The following PRDM16 variants were observed in gnomAD, a reference collection of about 807,000 sequenced individuals.
The protein encoded by PRDM16 is histone-lysine N-methyltransferase PRDM16.
Under a neutral mutation model 110.6 loss-of-function variants are expected in PRDM16, and 23 were observed. The observed-to-expected ratio is 0.21, with a 90% CI of 0.15 to 0.29. The LOEUF is 0.29. Ranked by LOEUF, PRDM16 falls within the 10% of genes least tolerant of loss-of-function variation. The pLI, the probability that PRDM16 is intolerant of heterozygous loss-of-function variation, is 1.00. For synonymous variants in PRDM16, 799 were observed against 781.8 expected (o/e 1.02, Z -0.37); for missense variants, 1,615 against 1,794.3 (o/e 0.90, Z 1.81).
intron 3 of PRDM16, among the ~76,000 whole-genome samples, chr1:3,287,717 C>G (rs1384860862): frequency 1.5e-5 from 2 of 136,556 alleles, no homozygotes; most frequent in East Asian, 2.1e-4. Flanking sequence ...CGCGGACATC[C>G]AGGATTGCAT....
chr1:3,385,459 C>T (rs1643179734), intron 4 of PRDM16, among the ~76,000 whole-genome samples, 173 bp downstream of exon 4: 1 of 152,122 alleles, frequency 6.6e-6, no homozygotes, highest in Admixed American at 6.5e-5. Context: ...CACTGGCTTC[C>T]GGGGAGCTGA....
At chr1:3,383,097 A>G (rs1415438307) in intron 3 of PRDM16, among the ~76,000 whole-genome samples, 2 of 152,200 alleles carry the variant, frequency 1.3e-5, no homozygotes, top group Non-Finnish European at 2.9e-5. Flanking sequence ...CTGGGCAGAG[A>G]AGGGACCTGG....
At chr1:3,085,861 C>T (rs937400626) in intron 1 of PRDM16, among the ~76,000 whole-genome samples, 1 of 152,236 alleles carries the variant, frequency 6.6e-6, no homozygotes, top group Non-Finnish European at 1.5e-5. Context: ...TGTGGGAGCC[C>T]CACCCAGGCC....
chr1:3,087,910 A>C (rs1642187187), intron 1 of PRDM16, among the ~76,000 whole-genome samples: 1 of 151,778 alleles, frequency 6.6e-6, no homozygotes. Flanking sequence ...TTTGTGGTTG[A>C]GCAAAGATTA....
At chr1:3,166,846 C>A (rs988085901) in intron 1 of PRDM16, among the ~76,000 whole-genome samples, 2 of 152,222 alleles carry the variant, frequency 1.3e-5, no homozygotes, top group Admixed American at 6.5e-5. Context: ...CTGTGTCTGG[C>A]GCTGGCCGTG....
Position 3,389,951 on chromosome 1 carries a change from C to A in PRDM16, c.573+4665C>A, listed in dbSNP as rs898932409. Reference sequence around the variant, plus strand: ...TCCATGCACTTTTCTGGGGGTGCGCCCCCCCCCCCCCCCCACCCTCTGGCT... The same window carrying A: ...TCCATGCACTTTTCTGGGGGTGCGCACCCCCCCCCCCCCCACCCTCTGGCT... On this transcript the variant is annotated intron_variant, in intron 4 of 16. Coordinates refer to ENST00000270722, the MANE Select transcript of PRDM16 (RefSeq NM_022114.4). 5.6e-4 allele frequency among the ~76,000 whole-genome samples: 14 copies of A among 25,064 alleles called. No individual in the cohort carries two copies. In the Admixed American group the frequency reaches 6.1e-3, roughly 11 times the overall value. 16.4% of individuals were successfully genotyped at this position (25,064 alleles called of 152,430 possible).
rs1643284601 is a variant in PRDM16, at chr1:3,390,733, A to G, written c.573+5447A>G. Among the ~76,000 whole-genome samples, 1 of 151,832 alleles carries G rather than the reference A, an allele frequency of 6.6e-6. No homozygotes were observed. Among genetic ancestry groups the G allele is most frequent in the Admixed American group, 6.5e-5 (1 of 15,268 alleles). ...TTTCTGTCTGGGCGTGTGCCCTGTCAGGGTTGCGGTTTTAAACAGAGGGCA... is the reference window on the plus strand; with the variant it reads ...TTTCTGTCTGGGCGTGTGCCCTGTCGGGGTTGCGGTTTTAAACAGAGGGCA... On this transcript the variant is annotated intron_variant, in intron 4 of 16. Coordinates refer to ENST00000270722, the MANE Select transcript of PRDM16 (RefSeq NM_022114.4). This position sits in a 1 kb window ranked among gnomAD's most constrained non-coding sequence, Gnocchi z 5.0.
At chr1:3,233,705 A>G (rs1286897478) in intron 2 of PRDM16, among the ~76,000 whole-genome samples, 4 of 152,144 alleles carry the variant, frequency 2.6e-5, no homozygotes, top group Non-Finnish European at 5.9e-5. Flanking sequence ...CCCATCACAA[A>G]ATAAACTAAT....
At chr1:3,114,386 A>C (rs1479184636) in intron 1 of PRDM16, among the ~76,000 whole-genome samples, 4 of 137,776 alleles carry the variant, frequency 2.9e-5, no homozygotes, top group Non-Finnish European at 6.2e-5. Context: ...GTGTAAACAG[A>C]CGCGCACGCA....
chr1:3,229,633 A>G (rs1352476807), intron 2 of PRDM16, among the ~76,000 whole-genome samples: 1 of 152,230 alleles, frequency 6.6e-6, no homozygotes, highest in Non-Finnish European at 1.5e-5. Flanking sequence ...AGCCACTTGC[A>G]GCCCATGAGC....
intron 3 of PRDM16, among the ~76,000 whole-genome samples, chr1:3,344,887 TG>T (rs1642333240): frequency 6.6e-6 from 1 of 152,270 alleles, no homozygotes; most frequent in Non-Finnish European, 1.5e-5. Context: ...AGCCCTGCTG[TG>T]GTAAGCAGCA....
intron 2 of PRDM16, among the ~76,000 whole-genome samples, chr1:3,195,145 G>A (rs142555132): frequency 1.4e-3 from 218 of 152,302 alleles, no homozygotes; most frequent in African/African-American, 4.7e-3. Context: ...GGGATGGTGC[G>A]GAGCCTGAGG....
intron 2 of PRDM16, among the ~76,000 whole-genome samples, chr1:3,186,979 C>T (rs944517935): frequency 6.6e-6 from 1 of 152,230 alleles, no homozygotes; most frequent in African/African-American, 2.4e-5. Context: ...ACTCCAGGGG[C>T]ACAGGCCCCG....
intron 3 of PRDM16, among the ~76,000 whole-genome samples, chr1:3,321,595 G>T (rs1204225165): frequency 6.7e-6 from 1 of 148,710 alleles, no homozygotes; most frequent in African/African-American, 2.5e-5. Context: ...TCACGTTTCT[G>T]GGGGGTTGCA....
rs1231046017 is a variant in PRDM16 at position 3,186,336 on chromosome 1, C to G, written c.249C>G (p.Asp83Glu). 1 of 1,612,288 alleles carries G rather than the reference C, an allele frequency of 6.2e-7. No homozygotes were observed. The highest frequency in any genetic ancestry group is 1.1e-5 in the South Asian group (1 of 90,966). ...CTGAAGACATTCCGATCCCAGCAGA[C>G]TTCGAGCTCCGAGAGTCCTCCATCC... The part of the protein sequence containing the change: ...YIPEDIPIPA[D>E]FELRESSIPG... The change falls in exon 2 of 17, where the codon GAC becomes GAG. Residue 83 changes from aspartate (D) to glutamate (E), a missense_variant. Asp to Glu is a conservative substitution (Grantham distance 45). This residue lies in a region of PRDM16 where 416 missense variants were observed against 467.1 expected (regional missense o/e 0.89). Coordinates refer to ENST00000270722, the MANE Select transcript of PRDM16 (RefSeq NM_022114.4).
chr1:3,412,806 C>T lies in PRDM16; in HGVS notation c.2603+6C>T, dbSNP rs374549827. On this transcript the variant is annotated splice_donor_region_variant and intron_variant, in intron 9 of 16. Transcript: ENST00000270722. Reference sequence around the variant, plus strand: ...TTCATGGACCCCATCTACAGGTATTCAGCACCCCAGCCTCACTGGCTCTCC... The same window carrying T: ...TTCATGGACCCCATCTACAGGTATTTAGCACCCCAGCCTCACTGGCTCTCC... The T allele has an allele frequency of 7.7e-4, 1,108 of 1,448,262 alleles. 1 individual carries two copies. Among genetic ancestry groups the T allele is most frequent in the Non-Finnish European group, 9.7e-4 (1,067 of 1,100,546 alleles). The allele number at this position is 1,448,262 out of a possible 1,614,324, so 89.7% of individuals were successfully genotyped here. A position where few individuals can be genotyped will look rare whatever the true frequency, so the allele number is the denominator to read the frequency against.
intron 4 of PRDM16, among the ~76,000 whole-genome samples, chr1:3,393,449 G>A (rs1016956571): frequency 2.6e-5 from 4 of 152,228 alleles, no homozygotes; most frequent in African/African-American, 4.8e-5. Flanking sequence ...GAGGAAAGGA[G>A]GATTATAAGC....
intron 1 of PRDM16, among the ~76,000 whole-genome samples, chr1:3,073,094 G>A (rs1224429954): frequency 2.0e-5 from 3 of 151,562 alleles, no homozygotes; most frequent in African/African-American, 7.3e-5. Flanking sequence ...CGACATCCTG[G>A]CCCCTCCTGG....
chr1:3,073,828 C>T (rs867222345), intron 1 of PRDM16, among the ~76,000 whole-genome samples: 11 of 152,112 alleles, frequency 7.2e-5, no homozygotes, highest in Admixed American at 2.0e-4. Context: ...TTCTAGAGCC[C>T]CAGCTTGGAC....
Sources: gnomAD v4.1 joint callset for allele counts (sites outside exome capture counted in the v4.1 genomes callset) on GRCh38, gnomAD v4.1.1 for gene constraint, gnomAD v4.1.1 regional missense constraint, Gnocchi (gnomAD v3.1) non-coding constraint, MANE v1.5 for transcripts, NCBI Gene and HGNC (gene_info 2026-07-23, HGNC 2026-07-21) for gene names.